Variants in TBXAS1 observed in about 807,000 individuals in gnomAD.
The protein encoded by TBXAS1 is thromboxane A synthase 1.
Under a neutral mutation model 60.7 loss-of-function variants are expected in TBXAS1, and 48 were observed. The observed-to-expected ratio is 0.79, with a 90% CI of 0.63 to 1.01. The LOEUF (loss-of-function observed/expected upper bound fraction) is 1.01. TBXAS1 is among the 50% of genes least tolerant of loss of function. The pLI is 0.00. For missense variants in TBXAS1, 685 were observed against 686.3 expected, an observed-to-expected ratio of 1.00 and a Z score of 0.02; for synonymous variants, 287 against 269.7, an observed-to-expected ratio of 1.06 and a Z score of -0.63.
At chr7:139,890,147 C>A (rs544932767) in intron 3 of TBXAS1, among the ~76,000 whole-genome samples, 6 of 151,284 alleles carry the variant, frequency 4.0e-5, no homozygotes, top group African/African-American at 1.2e-4. Context: ...AGAAAGACTC[C>A]GAACCTTTCA....
chr7:139,967,258 A>G (rs1810861803), intron 9 of TBXAS1, among the ~76,000 whole-genome samples: 1 of 152,136 alleles, frequency 6.6e-6, no homozygotes, highest in East Asian at 1.9e-4. Context: ...ATGTCTCTCC[A>G]AGTACTTTTC....
rs1814820349 is a variant in TBXAS1 at position 140,013,961 on chromosome 7, T to G, written c.1227-1762T>G. Among the ~76,000 whole-genome samples the G allele has an allele frequency of 6.6e-6, 1 of 152,198 alleles. No homozygotes were observed. The highest frequency in any genetic ancestry group is 2.4e-5 in the African/African-American group (1 of 41,456). ...CCACTGATTGCCCTTGACTTTGAGC[T>G]ACAGGTTTCACCAGCTAACTGCGAC... On this transcript the variant is annotated intron_variant, in intron 10 of 12. Transcript: ENST00000448866. This position sits in a 1 kb window ranked among gnomAD's most constrained non-coding sequence, Gnocchi z 4.2.
At position 139,955,446 on chromosome 7, in the gene TBXAS1, C is replaced by T; in HGVS notation, c.540-13C>T. 6.2e-7 allele frequency: 1 copy of T among 1,614,156 alleles called. No homozygotes were observed. The highest frequency in any genetic ancestry group is 8.5e-7 in the Non-Finnish European group (1 of 1,180,016). On this transcript the variant is annotated splice_polypyrimidine_tract_variant and intron_variant, in intron 6 of 12. Coordinates refer to ENST00000448866, the MANE Select transcript of TBXAS1 (RefSeq NM_001061.7). The stretch of plus-strand genomic sequence containing the variant: ...AGAGTCCTTTCAGATCTCTGTGCTC[C>T]CATCTCCCGTAGGTGCTACTGCAAT...
chr7:139,927,912 C>CTCAAATT (rs1387206407), intron 4 of TBXAS1, among the ~76,000 whole-genome samples: 1 of 152,058 alleles, frequency 6.6e-6, no homozygotes, highest in African/African-American at 2.4e-5. Flanking sequence ...ATAGAGATTT[C>CTCAAATT]TCAAATTTTC....
intron 1 of TBXAS1, among the ~76,000 whole-genome samples, chr7:139,853,894 C>G (rs1177235536): frequency 1.3e-5 from 2 of 152,176 alleles, no homozygotes; most frequent in Admixed American, 6.5e-5. Context: ...AGTAGGGAAT[C>G]AGTGGAACTC....
At chr7:140,010,274 TTTTTA>T (rs1178614425) in intron 10 of TBXAS1, among the ~76,000 whole-genome samples, 2 of 152,114 alleles carry the variant, frequency 1.3e-5, no homozygotes, top group Admixed American at 1.3e-4. Context: ...AGAGTGAGCA[TTTTTA>T]TTTTATTATT....
At position 139,957,634 on chromosome 7, in the gene TBXAS1, TATC is replaced by T. The variant is rs1340379530; in HGVS notation, c.692_694del (p.Ser231del). 6.2e-7 allele frequency: 1 copy of T among 1,614,008 alleles called. No homozygotes were observed. The highest frequency in any genetic ancestry group is 1.3e-5 in the African/African-American group (1 of 74,902). On this transcript the variant is annotated inframe_deletion and splice_region_variant, in exon 8 of 13. Coordinates refer to ENST00000448866, the MANE Select transcript of TBXAS1 (RefSeq NM_001061.7). ...GCCACTTTTGTTTTTCTCTTTCAAG[TATC>T]ATTTCCATCCATAATGGTCCCACTG...
chr7:139,918,790 C>T (rs1806203185), intron 4 of TBXAS1, among the ~76,000 whole-genome samples: 1 of 152,084 alleles, frequency 6.6e-6, no homozygotes, highest in South Asian at 2.1e-4. Flanking sequence ...GCTGACCCCT[C>T]GAGCTGTGGA....
intron 12 of TBXAS1, among the ~76,000 whole-genome samples, chr7:140,018,605 G>A (rs1815290228): frequency 6.6e-6 from 1 of 152,104 alleles, no homozygotes; most frequent in Admixed American, 6.5e-5. Context: ...TTCCTCAACA[G>A]GTCAGGGAGC....
chr7:139,837,466 G>A (rs1022437374), intron 1 of TBXAS1, among the ~76,000 whole-genome samples: 6 of 152,218 alleles, frequency 3.9e-5, no homozygotes, highest in Non-Finnish European at 8.8e-5. Flanking sequence ...GTATATGATG[G>A]AATACTATGC....
intron 3 of TBXAS1, among the ~76,000 whole-genome samples, chr7:139,903,449 G>T (rs1340262995): frequency 1.3e-5 from 2 of 151,814 alleles, no homozygotes; most frequent in African/African-American, 4.9e-5. Context: ...TTTTCCTCTG[G>T]GTAGATACCC....
At chr7:139,876,223 C>T (rs750201636) in intron 3 of TBXAS1, among the ~76,000 whole-genome samples, 5 of 152,098 alleles carry the variant, frequency 3.3e-5, no homozygotes, top group African/African-American at 9.7e-5. Context: ...AGTTCTTGGC[C>T]GTGTAAAGTA....
At chr7:139,953,831 A>G (rs943701049) in intron 6 of TBXAS1, among the ~76,000 whole-genome samples, 6 of 152,232 alleles carry the variant, frequency 3.9e-5, no homozygotes, top group Non-Finnish European at 8.8e-5. Flanking sequence ...TGGACACCAA[A>G]TTTAAATAAC....
At chr7:139,869,380 G>A (rs986784145) in intron 1 of TBXAS1, among the ~76,000 whole-genome samples, 11 of 151,868 alleles carry the variant, frequency 7.2e-5, no homozygotes, top group Non-Finnish European at 1.5e-4. Context: ...CTGTACTTCA[G>A]TATGACTTTA....
chr7:139,962,233 C>T lies in TBXAS1; in HGVS notation c.1134C>T (p.His378=), dbSNP rs13306054. 5.5e-5 allele frequency: 88 copies of T among 1,614,022 alleles called. No individual in the cohort carries two copies. The highest frequency in any genetic ancestry group is 2.7e-4 in the East Asian group (12 of 44,886). ...LREVDVFKEK[H]MAPEFCSLEE... Reference sequence around the variant, plus strand: ...AGGTAGACGTTTTTAAGGAGAAACACGTGAGTACAAGTTGGATCCAGTTAC... The same window carrying T: ...AGGTAGACGTTTTTAAGGAGAAACATGTGAGTACAAGTTGGATCCAGTTAC... Residue 378 remains histidine, a splice_region_variant and synonymous_variant, in exon 9 of 13, where the codon CAC becomes CAT. Transcript: ENST00000448866.
At chr7:139,985,828 C>T (rs897353558) in intron 9 of TBXAS1, among the ~76,000 whole-genome samples, 12 of 152,206 alleles carry the variant, frequency 7.9e-5, no homozygotes, top group South Asian at 2.1e-4. Context: ...GGGTGGACGG[C>T]GCTTACAGAC....
intron 3 of TBXAS1, among the ~76,000 whole-genome samples, chr7:139,907,038 T>C (rs564628730): frequency 2.5e-4 from 38 of 152,224 alleles, no homozygotes; most frequent in Admixed American, 8.5e-4. Context: ...TTTATTTTCT[T>C]GCCTTATTGC....
intron 1 of TBXAS1, among the ~76,000 whole-genome samples, chr7:139,865,258 A>G (rs138246478): frequency 2.4e-4 from 36 of 152,292 alleles, no homozygotes; most frequent in African/African-American, 8.7e-4. Flanking sequence ...CCCTTCAGGA[A>G]CATCTGCCTT....
At chr7:139,986,172 C>A (rs1812445830) in intron 9 of TBXAS1, among the ~76,000 whole-genome samples, 1 of 152,148 alleles carries the variant, frequency 6.6e-6, no homozygotes, top group South Asian at 2.1e-4. Context: ...TCTCTCTATG[C>A]GCTAGTGTTA....
Sources: allele counts gnomAD v4.1 joint callset (sites outside exome capture counted in the v4.1 genomes callset), GRCh38; gene constraint gnomAD v4.1.1; non-coding constraint Gnocchi (gnomAD v3.1); transcripts MANE v1.5; gene names NCBI Gene and HGNC (gene_info 2026-07-23, HGNC 2026-07-21).